The following PPP1R12B variants were observed in gnomAD, a reference collection of about 807,000 sequenced individuals.
PPP1R12B encodes the protein protein phosphatase 1 regulatory subunit 12B.
Under a neutral mutation model 126.1 loss-of-function variants are expected in PPP1R12B, and 76 were observed. The observed-to-expected ratio is 0.60, with a 90% CI of 0.50 to 0.73. PPP1R12B has a LOEUF of 0.73. PPP1R12B is among the 30% of genes least tolerant of loss of function. PPP1R12B has a pLI of 0.00. For missense variants in PPP1R12B, 1,052 were observed against 1,205.1 expected (o/e 0.87, Z 1.88); for synonymous variants, 356 against 434.7 (o/e 0.82, Z 2.25).
rs1485743668 is a variant in PPP1R12B at position 202,591,545 on chromosome 1, G to C, written c.*10985G>C. On this transcript the variant is annotated 3_prime_UTR_variant, in exon 24 of 24. Transcript: ENST00000608999. The stretch of plus-strand genomic sequence containing the variant: ...AGGTCAGGGGACTTAGTCCACACCT[G>C]CTCTGCCTGAGCCTCTCTCACAGCT... 1 of 152,532 alleles carries C rather than the reference G, an allele frequency of 6.6e-6. No homozygotes were observed. The highest frequency in any genetic ancestry group is 1.9e-4 in the East Asian group (1 of 5,190). The allele number at this position is 152,532 out of a possible 1,614,324, so 9.4% of individuals were successfully genotyped here.
chr1:202,374,784 CG>C (rs1660893268), intron 1 of PPP1R12B, among the ~76,000 whole-genome samples: 1 of 151,864 alleles, frequency 6.6e-6, no homozygotes, highest in Non-Finnish European at 1.5e-5. Flanking sequence ...GCAATCCGCC[CG>C]CCTCTGCCTC....
intron 15 of PPP1R12B, 54 bp downstream of exon 15, chr1:202,493,371 G>C: frequency 6.5e-7 from 1 of 1,535,316 alleles, no homozygotes; most frequent in South Asian, 1.2e-5. Flanking sequence ...AATTAGTTTG[G>C]GGAGTATCTT....
chr1:202,496,590 C>T (rs1679579372), intron 17 of PPP1R12B, among the ~76,000 whole-genome samples, 191 bp from the exon 18 acceptor site: 1 of 152,174 alleles, frequency 6.6e-6, no homozygotes, highest in Non-Finnish European at 1.5e-5. Flanking sequence ...TTTTAGACTA[C>T]AGGTGACATT....
At chr1:202,528,409 C>T (rs910686886) in intron 18 of PPP1R12B, among the ~76,000 whole-genome samples, 1 of 152,190 alleles carries the variant, frequency 6.6e-6, no homozygotes, top group Admixed American at 6.5e-5. Flanking sequence ...TAGTTGTTTA[C>T]TGTATTGCAT....
At chr1:202,501,070 G>A (rs1558306531) in intron 18 of PPP1R12B, among the ~76,000 whole-genome samples, 1 of 152,164 alleles carries the variant, frequency 6.6e-6, no homozygotes, top group Non-Finnish European at 1.5e-5. Context: ...CTTGACAGAT[G>A]TGTTTAAAAA....
intron 18 of PPP1R12B, among the ~76,000 whole-genome samples, chr1:202,517,851 C>A (rs1055191587): frequency 6.6e-6 from 1 of 152,154 alleles, no homozygotes; most frequent in Non-Finnish European, 1.5e-5. Context: ...GTCCTGAACT[C>A]CTGACCTCAG....
intron 1 of PPP1R12B, 60 bp from the exon 2 acceptor site, chr1:202,416,727 T>A: frequency 6.6e-7 from 1 of 1,511,396 alleles, no homozygotes; most frequent in Middle Eastern, 1.7e-4. Flanking sequence ...GAGCAGTGTC[T>A]GGCACATAGT....
At chr1:202,427,432 ATAT>A (rs1669683761) in intron 5 of PPP1R12B, among the ~76,000 whole-genome samples, 1 of 152,150 alleles carries the variant, frequency 6.6e-6, no homozygotes, top group Non-Finnish European at 1.5e-5. Flanking sequence ...GGAAAAAAAT[ATAT>A]TTGTTCTTGG....
At chr1:202,364,639 T>TGC (rs1658833694) in intron 1 of PPP1R12B, among the ~76,000 whole-genome samples, 1 of 152,012 alleles carries the variant, frequency 6.6e-6, no homozygotes, top group African/African-American at 2.4e-5. Flanking sequence ...TGCAGTGGCA[T>TGC]GATCTCGGCT....
chr1:202,353,782 T>A (rs1656512467), intron 1 of PPP1R12B, among the ~76,000 whole-genome samples: 6 of 152,020 alleles, frequency 3.9e-5, no homozygotes, highest in Admixed American at 3.9e-4. Context: ...AGCTAATTTT[T>A]AAAATTTTTT....
intron 13 of PPP1R12B, among the ~76,000 whole-genome samples, chr1:202,457,650 A>G (rs1006882807): frequency 1.3e-5 from 2 of 152,192 alleles, no homozygotes; most frequent in Admixed American, 6.5e-5. Context: ...TTATTGTATA[A>G]TTGTTAAGTG....
chr1:202,374,332 C>T (rs1213965581), intron 1 of PPP1R12B, among the ~76,000 whole-genome samples: 1 of 152,034 alleles, frequency 6.6e-6, no homozygotes, highest in Admixed American at 6.6e-5. Context: ...GTTTATACAG[C>T]AGTTAACTAT....
intron 18 of PPP1R12B, among the ~76,000 whole-genome samples, chr1:202,517,775 A>G (rs1232231594): frequency 6.6e-6 from 1 of 151,858 alleles, no homozygotes; most frequent in Non-Finnish European, 1.5e-5. Context: ...ACAGGCGACC[A>G]CTATCATGCC....
chr1:202,444,044 G>C (rs1025610351), intron 12 of PPP1R12B, among the ~76,000 whole-genome samples: 19 of 152,148 alleles, frequency 1.2e-4, no homozygotes, highest in Admixed American at 1.0e-3. Flanking sequence ...AGCATTTTTT[G>C]ATTTTATAAA....
intron 1 of PPP1R12B, among the ~76,000 whole-genome samples, chr1:202,355,864 G>A (rs1355852055): frequency 1.3e-5 from 2 of 152,166 alleles, no homozygotes; most frequent in Admixed American, 6.5e-5. Flanking sequence ...CTCTGAAGAC[G>A]TACAAATAGA....
At chr1:202,491,735 G>A (rs1234633662) in intron 14 of PPP1R12B, among the ~76,000 whole-genome samples, 1 of 152,030 alleles carries the variant, frequency 6.6e-6, no homozygotes, top group Non-Finnish European at 1.5e-5. Context: ...CAGTAGAGAG[G>A]GAGTGAAGGT....
chr1:202,426,281 A>G (rs973111501), intron 4 of PPP1R12B, among the ~76,000 whole-genome samples: 1 of 152,124 alleles, frequency 6.6e-6, no homozygotes, highest in Non-Finnish European at 1.5e-5. Context: ...CAAAGGCATT[A>G]TATGTGCAGT....
rs547316153 is a variant in PPP1R12B, at chr1:202,437,765, GAGAA to G, written c.1255-51_1255-48del. ...TAAGTGTGGAAAAGGCAAATAGGCT[GAGAA>G]AGAATCATCAGAGCCTTTATTTTTC... On this transcript the variant is annotated intron_variant, in intron 9 of 23. Transcript: ENST00000608999. 1.5e-4 allele frequency: 225 copies of G among 1,487,898 alleles called. No individual in the cohort carries two copies. The African/African-American group carries it at 2.2e-3, about 14-fold the overall frequency. 92.2% of individuals were successfully genotyped at this position (1,487,898 alleles called of 1,614,324 possible). A position where few individuals can be genotyped will look rare whatever the true frequency, so the allele number is the denominator to read the frequency against.
chr1:202,361,163 G>T (rs1658133484), intron 1 of PPP1R12B, among the ~76,000 whole-genome samples: 1 of 152,194 alleles, frequency 6.6e-6, no homozygotes, highest in Admixed American at 6.5e-5. Flanking sequence ...AAAGTGTTGG[G>T]ATTACAGTTG....
Sources: allele counts gnomAD v4.1 joint callset (sites outside exome capture counted in the v4.1 genomes callset), GRCh38; gene constraint gnomAD v4.1.1; transcripts MANE v1.5; gene names NCBI Gene and HGNC (gene_info 2026-07-23, HGNC 2026-07-21).